The following CADM2 variants were observed in gnomAD, a reference collection of about 807,000 sequenced individuals.
CADM2 encodes immunoglobulin superfamily member 4D.
CADM2 carries 12 observed loss-of-function variants against 49.8 expected under a neutral mutation model. That is an observed-to-expected ratio of 0.24 (90% CI 0.15 to 0.39). The LOEUF is 0.39. Among genes scored for constraint, CADM2 ranks in the 10% least tolerant of loss-of-function variants. CADM2 has a pLI of 1.00. For missense variants in CADM2, 378 were observed against 492.3 expected (o/e 0.77, Z 2.20); for synonymous variants, 214 against 175.4 (o/e 1.22, Z -1.74).
At chr3:85,075,035 CA>C (rs1289036475) in intron 1 of CADM2, among the ~76,000 whole-genome samples, 2 of 151,882 alleles carry the variant, frequency 1.3e-5, no homozygotes, top group Non-Finnish European at 2.9e-5. Context: ...TTTTGCACTC[CA>C]AGAGCACTGT....
At position 85,791,891 on chromosome 3, in the gene CADM2, T is replaced by G. The variant is rs1427029400; in HGVS notation, c.89-10156T>G. Among the ~76,000 whole-genome samples, 18 of 152,076 alleles carry G rather than the reference T, an allele frequency of 1.2e-4. No homozygotes were observed. The East Asian group carries it at 3.5e-3, about 30-fold the overall frequency. On this transcript the variant is annotated intron_variant, in intron 2 of 9. Coordinates refer to ENST00000383699, the MANE Select transcript of CADM2 (RefSeq NM_001167675.2). ...GGCGCCCTCCACACACCTGGCTAAT[T>G]TTTTCTACTTTTTAGTAGATACAGG...
At chr3:85,536,850 C>A (rs2061431864) in intron 1 of CADM2, among the ~76,000 whole-genome samples, 2 of 151,390 alleles carry the variant, frequency 1.3e-5, no homozygotes, top group Admixed American at 1.3e-4. Flanking sequence ...AGCTTTGCTC[C>A]CTGTGGTTTT....
chr3:85,488,287 T>A (rs963089996), intron 1 of CADM2, among the ~76,000 whole-genome samples: 1 of 152,174 alleles, frequency 6.6e-6, no homozygotes, highest in African/African-American at 2.4e-5. Context: ...GTGCTCCTTG[T>A]CCCAATTCTG....
intron 1 of CADM2, among the ~76,000 whole-genome samples, chr3:85,367,847 G>C (rs943904735): frequency 1.3e-5 from 2 of 151,484 alleles, no homozygotes. Flanking sequence ...GTGTGTGTGT[G>C]TGTGTGTGTG....
intron 1 of CADM2, among the ~76,000 whole-genome samples, chr3:85,337,399 ATGTATCAT>A (rs1355891034): frequency 5.3e-5 from 8 of 151,486 alleles, no homozygotes; most frequent in Admixed American, 1.3e-4. Flanking sequence ...GCCAAGTCAT[ATGTATCAT>A]TGTAAACTGG....
At chr3:85,029,725 T>C (rs2034894434) in intron 1 of CADM2, among the ~76,000 whole-genome samples, 1 of 152,182 alleles carries the variant, frequency 6.6e-6, no homozygotes, top group African/African-American at 2.4e-5. Flanking sequence ...ACTCTTCAGA[T>C]CCATTCTCAA....
chr3:85,144,951 A>G (rs2039693321), intron 1 of CADM2, among the ~76,000 whole-genome samples: 1 of 152,198 alleles, frequency 6.6e-6, no homozygotes, highest in Non-Finnish European at 1.5e-5. Context: ...TGCAAAGTGA[A>G]GTGTCAGATG....
At chr3:85,059,982 T>G (rs962967830) in intron 1 of CADM2, among the ~76,000 whole-genome samples, 1 of 152,114 alleles carries the variant, frequency 6.6e-6, no homozygotes. Flanking sequence ...AGGATAAAAG[T>G]CAGTTCTTTG....
intron 1 of CADM2, among the ~76,000 whole-genome samples, chr3:85,035,829 C>A (rs2035188308): frequency 6.6e-6 from 1 of 152,084 alleles, no homozygotes; most frequent in Non-Finnish European, 1.5e-5. Flanking sequence ...ATGAAATCTA[C>A]TTTTTGAGTA....
intron 1 of CADM2, among the ~76,000 whole-genome samples, chr3:85,172,365 G>C (rs1251618307): frequency 6.6e-6 from 1 of 152,130 alleles, no homozygotes; most frequent in East Asian, 1.9e-4. Flanking sequence ...GCAATTCGGG[G>C]ACACAAAAAC....
In CADM2 at chr3:85,344,178, A is replaced by T. The variant is rs2030282106; in HGVS notation, c.62-382344A>T. ...ATCACGAAGTCAGGAGATCGAGACC[A>T]TCTTGGCTAACACGGTGAAACCCCA... On this transcript the variant is annotated intron_variant, in intron 1 of 9. Coordinates refer to ENST00000383699, the MANE Select transcript of CADM2 (RefSeq NM_001167675.2). 1.3e-5 allele frequency among the ~76,000 whole-genome samples: 2 copies of T among 151,872 alleles called. 1 individual carries two copies. Among genetic ancestry groups the T allele is most frequent in the South Asian group, 4.1e-4 (2 of 4,826 alleles).
chr3:85,798,392 C>A (rs138606391), intron 2 of CADM2, among the ~76,000 whole-genome samples: 1 of 152,022 alleles, frequency 6.6e-6, no homozygotes, highest in Non-Finnish European at 1.5e-5. Flanking sequence ...AGGGTTTTTA[C>A]GGTTTCAGAT....
chr3:85,489,330 G>C (rs867545941), intron 1 of CADM2, among the ~76,000 whole-genome samples: 2 of 152,004 alleles, frequency 1.3e-5, no homozygotes, highest in Non-Finnish European at 2.9e-5. Flanking sequence ...TAAAATAAGA[G>C]AATTCATTGA....
chr3:85,104,840 T>TG (rs376017191), intron 1 of CADM2, among the ~76,000 whole-genome samples: 10,759 of 152,096 alleles, frequency 0.071, 1,250 homozygotes, highest in African/African-American at 0.24. Context: ...CAATTGTGAA[T>TG]GGAGTTCACT....
At chr3:85,685,997 TAGAG>T (rs2066202781) in intron 1 of CADM2, among the ~76,000 whole-genome samples, 1 of 152,210 alleles carries the variant, frequency 6.6e-6, no homozygotes, top group East Asian at 1.9e-4. Context: ...TACGTGGCTA[TAGAG>T]AGTGTATTAT....
chr3:85,727,472 A>G (rs2067749703), intron 2 of CADM2, among the ~76,000 whole-genome samples: 1 of 152,174 alleles, frequency 6.6e-6, no homozygotes, highest in Admixed American at 6.6e-5. Context: ...CCTTTCTTAT[A>G]GCTCACCTAG....
At chr3:85,273,254 T>G (rs2043283812) in intron 1 of CADM2, among the ~76,000 whole-genome samples, 1 of 151,306 alleles carries the variant, frequency 6.6e-6, no homozygotes, top group Admixed American at 6.6e-5. Flanking sequence ...TAATGAGGGC[T>G]TATGTTATAA....
At chr3:85,384,800 G>C (rs2034123267) in intron 1 of CADM2, among the ~76,000 whole-genome samples, 1 of 151,316 alleles carries the variant, frequency 6.6e-6, no homozygotes. Flanking sequence ...ATAAACAAAA[G>C]CTTTAAATTT....
Position 85,321,116 on chromosome 3 carries a change from ATTTTTTTTTTTTTTTTTTT to A in CADM2, c.61+361480_61+361498del, listed in dbSNP as rs1157576505. Among the ~76,000 whole-genome samples, 53 of 27,468 alleles carry A rather than the reference ATTTTTTTTTTTTTTTTTTT, an allele frequency of 1.9e-3. 1 individual carries two copies. The highest frequency in any genetic ancestry group is 3.4e-3 in the South Asian group (3 of 882). The allele number at this position is 27,468 out of a possible 152,430, so 18.0% of individuals were successfully genotyped here. A position where few individuals can be genotyped will look rare whatever the true frequency, so the allele number is the denominator to read the frequency against. On this transcript the variant is annotated intron_variant, in intron 1 of 9. Coordinates refer to ENST00000383699, the MANE Select transcript of CADM2 (RefSeq NM_001167675.2). ...CATATATATATATATATATATATAT[ATTTTTTTTTTTTTTTTTTT>A]TTTTTTTTTTTTTTTTTTTTTTTTT...
Sources: gnomAD v4.1 joint callset for allele counts (sites outside exome capture counted in the v4.1 genomes callset) on GRCh38, gnomAD v4.1.1 for gene constraint, MANE v1.5 for transcripts, NCBI Gene and HGNC (gene_info 2026-07-23, HGNC 2026-07-21) for gene names.